NPM1: variants seen among roughly 807,000 people sequenced by gnomAD.
NPM1 encodes nucleophosmin.
A neutral mutation model predicts 44.1 loss-of-function variants in NPM1; 1 was observed. The ratio of observed to expected loss-of-function variants is 0.02; its 90% CI spans 0.01 to 0.11. The LOEUF (loss-of-function observed/expected upper bound fraction) is 0.11. Among genes scored for constraint, NPM1 ranks in the 10% least tolerant of loss-of-function variants. NPM1 has a pLI of 1.00. For missense variants in NPM1, 197 were observed against 347.8 expected (o/e 0.57, Z 3.45); for synonymous variants, 126 against 111.8 (o/e 1.13, Z -0.80).
chr5:171,408,608 G>A (rs908278999), intron 10 of NPM1, among the ~76,000 whole-genome samples: 3 of 152,160 alleles, frequency 2.0e-5, no homozygotes, highest in African/African-American at 7.2e-5. Context: ...TGTGAAAGTT[G>A]TAGTGATGGG....
intron 6 of NPM1, among the ~76,000 whole-genome samples, chr5:171,395,846 G>C (rs1477923008): frequency 1.4e-4 from 21 of 152,176 alleles, no homozygotes; most frequent in African/African-American, 4.8e-5. Flanking sequence ...AGCAAGAAAG[G>C]CTATGTAATG....
chr5:171,403,660 G>A (rs1463150110), intron 8 of NPM1, among the ~76,000 whole-genome samples: 7 of 133,446 alleles, frequency 5.2e-5, no homozygotes, highest in African/African-American at 1.2e-4. Flanking sequence ...CCTCCCTCCC[G>A]GACGGGGCGG....
chr5:171,401,493 G>A (rs1284738799), intron 8 of NPM1, among the ~76,000 whole-genome samples: 2 of 152,162 alleles, frequency 1.3e-5, no homozygotes, highest in African/African-American at 4.8e-5. Flanking sequence ...CTGGGTTAGA[G>A]TTGCGTGATC....
At chr5:171,398,369 G>A (rs1400781378) in intron 6 of NPM1, among the ~76,000 whole-genome samples, 1 of 152,138 alleles carries the variant, frequency 6.6e-6, no homozygotes, top group Non-Finnish European at 1.5e-5. Context: ...TATGTGTATG[G>A]TGTGAATGGA....
intron 2 of NPM1, chr5:171,391,092 A>T (rs1330136639): frequency 3.8e-6 from 2 of 527,370 alleles, no homozygotes; most frequent in Non-Finnish European, 6.7e-6. Flanking sequence ...AACACTGTAC[A>T]GGTTTGTAGC....
rs763566520 is a variant in NPM1 at position 171,391,368 on chromosome 5, G to A, written c.202G>A (p.Glu68Lys). Reference sequence around the variant, plus strand: ...TGTTGAAGCAGAGGCAATGAATTACGAAGGCAGTCCAATTAAAGTAACACT... The same window carrying A: ...TGTTGAAGCAGAGGCAATGAATTACAAAGGCAGTCCAATTAAAGTAACACT... ...HIVEAEAMNY[E>K]GSPIKVTLAT... Residue 68 changes from glutamate (E) to lysine (K), a missense_variant, in exon 3 of 11, where the codon GAA becomes AAA. By Grantham distance (56) the Glu-to-Lys change is moderately conservative. Around this residue, in one of 5 missense-constraint regions of NPM1, gnomAD observed 43 missense variants for 109.6 expected, o/e 0.39. Transcript: ENST00000296930. The A allele has an allele frequency of 3.1e-6, 5 of 1,612,252 alleles. No individual in the cohort carries two copies. Among genetic ancestry groups the A allele is most frequent in the South Asian group, 1.1e-5 (1 of 91,080 alleles).
intron 1 of NPM1, among the ~76,000 whole-genome samples, chr5:171,389,306 C>T (rs1053390736): frequency 1.3e-5 from 2 of 152,110 alleles, no homozygotes; most frequent in South Asian, 2.1e-4. Context: ...GTATTGGTAA[C>T]GGTTAGATGA....
intron 4 of NPM1, among the ~76,000 whole-genome samples, 176 bp downstream of exon 4, chr5:171,391,975 T>A (rs1196060970): frequency 1.3e-5 from 2 of 151,238 alleles, no homozygotes; most frequent in Non-Finnish European, 2.9e-5. Context: ...AGAGGAAATC[T>A]TGCTGTCACC....
intron 6 of NPM1, among the ~76,000 whole-genome samples, chr5:171,395,869 A>C (rs1166260374): frequency 6.6e-6 from 1 of 152,104 alleles, no homozygotes; most frequent in Non-Finnish European, 1.5e-5. Context: ...CATAGTGCTG[A>C]TGTATACTAT....
chr5:171,405,151 A>G (rs1007511881), intron 8 of NPM1, 151 bp from the exon 9 acceptor site: 5 of 596,708 alleles, frequency 8.4e-6, no homozygotes, highest in South Asian at 2.2e-5. Context: ...ACAAAATTAT[A>G]TGGCGTGAAT....
chr5:171,408,770 GTTTA>G (rs1036115999), intron 10 of NPM1, among the ~76,000 whole-genome samples: 6 of 152,116 alleles, frequency 3.9e-5, no homozygotes, highest in East Asian at 1.9e-4. Context: ...TTATGCAACT[GTTTA>G]TTTAATATTG....
At chr5:171,387,380 G>A (rs1312823735), upstream of NPM1, 1 of 166,628 alleles carries the variant, frequency 6.0e-6, no homozygotes, top group Non-Finnish European at 1.3e-5. Flanking sequence ...GATTACGCCT[G>A]TTTGGAGGCT....
chr5:171,392,058 G>C (rs1489302439), intron 4 of NPM1, among the ~76,000 whole-genome samples: 1 of 152,006 alleles, frequency 6.6e-6, no homozygotes, highest in Non-Finnish European at 1.5e-5. Context: ...TCCTGTCTCA[G>C]CCTCCCCAGT....
At chr5:171,409,349 C>T (rs1771712558) in intron 10 of NPM1, among the ~76,000 whole-genome samples, 1 of 152,062 alleles carries the variant, frequency 6.6e-6, no homozygotes, top group Non-Finnish European at 1.5e-5. Flanking sequence ...CCTATAATCC[C>T]AGCACTTTGG....
At chr5:171,397,437 G>T (rs543484426) in intron 6 of NPM1, among the ~76,000 whole-genome samples, 1 of 152,214 alleles carries the variant, frequency 6.6e-6, no homozygotes, top group African/African-American at 2.4e-5. Context: ...CCAACCTACT[G>T]ATTTCACTAC....
intron 6 of NPM1, among the ~76,000 whole-genome samples, chr5:171,398,688 CT>C (rs1359288161): frequency 3.9e-5 from 6 of 152,082 alleles, no homozygotes; most frequent in African/African-American, 1.4e-4. Flanking sequence ...GGAGAATTCG[CT>C]TGAACCTGGG....
upstream of NPM1, chr5:171,387,532 C>T (rs534821851): frequency 2.9e-4 from 62 of 213,112 alleles, no homozygotes; most frequent in East Asian, 4.2e-3. Flanking sequence ...TGGCGGGAGG[C>T]CGGCGCGCTT....
At chr5:171,395,417 G>A (rs561059414) in intron 6 of NPM1, among the ~76,000 whole-genome samples, 2 of 151,646 alleles carry the variant, frequency 1.3e-5, no homozygotes, top group South Asian at 2.1e-4. Context: ...CTCCTGCCTC[G>A]GCCTCCAGAG....
At chr5:171,397,655 T>C (rs781410673) in intron 6 of NPM1, among the ~76,000 whole-genome samples, 3 of 152,078 alleles carry the variant, frequency 2.0e-5, no homozygotes, top group Non-Finnish European at 2.9e-5. Context: ...TTTTTTCTTT[T>C]TGATATGATT....
Sources: allele counts gnomAD v4.1 joint callset (sites outside exome capture counted in the v4.1 genomes callset), GRCh38; gene constraint gnomAD v4.1.1; regional missense constraint gnomAD v4.1.1; transcripts MANE v1.5; gene names NCBI Gene and HGNC (gene_info 2026-07-23, HGNC 2026-07-21).